MDFIC: variants seen among roughly 807,000 people sequenced by gnomAD.
MDFIC encodes myoD family inhibitor domain-containing protein.
Under a neutral mutation model 23.2 loss-of-function variants are expected in MDFIC, and 17 were observed. The observed-to-expected ratio is 0.73, with a 90% CI of 0.50 to 1.10. MDFIC has a LOEUF of 1.10. MDFIC is among the 50% of genes least tolerant of loss of function. The pLI is 0.00. For synonymous variants in MDFIC, 120 were observed against 115.2 expected (o/e 1.04, Z -0.27); for missense variants, 356 against 316.6 (o/e 1.12, Z -0.95).
intron 2 of MDFIC, among the ~76,000 whole-genome samples, chr7:114,929,074 G>T (rs1471453973): frequency 5.6e-4 from 4 of 7,202 alleles, no homozygotes; most frequent in Non-Finnish European, 9.1e-4. Flanking sequence ...TAGATCTATA[G>T]ATAAATATAG....
intron 4 of MDFIC, among the ~76,000 whole-genome samples, chr7:114,989,421 G>A (rs1418998726): frequency 6.6e-6 from 1 of 152,044 alleles, no homozygotes; most frequent in Non-Finnish European, 1.5e-5. Flanking sequence ...AGTCCAGAAG[G>A]GTTGTTTTCT....
At chr7:114,988,301 G>A (rs1050964294) in intron 4 of MDFIC, among the ~76,000 whole-genome samples, 3 of 152,134 alleles carry the variant, frequency 2.0e-5, no homozygotes, top group African/African-American at 7.2e-5. Context: ...TAGAAACCAG[G>A]CTTCAGAATA....
intron 2 of MDFIC, among the ~76,000 whole-genome samples, chr7:114,927,325 C>CTTTTTTTTTTTTTTTTTTTTTTTTTTTTT (rs10686214): frequency 7.1e-6 from 1 of 141,794 alleles, no homozygotes; most frequent in African/African-American, 2.6e-5. Flanking sequence ...AAAAACAGTC[C>CTTTTTTTTTTTTTTTTTTTTTTTTTTTTT]TTTTTTTTTT....
chr7:114,952,075 C>G (rs1390826673), intron 3 of MDFIC, among the ~76,000 whole-genome samples: 1 of 152,198 alleles, frequency 6.6e-6, no homozygotes, highest in Non-Finnish European at 1.5e-5. Flanking sequence ...GACTCCATTT[C>G]TGGTAAACAT....
chr7:115,016,643 T>A lies in MDFIC; in HGVS notation c.*708T>A, dbSNP rs1562832246. 1.0e-5 allele frequency: 1 copy of A among 96,724 alleles called. No individual in the cohort carries two copies. The highest frequency in any genetic ancestry group is 1.3e-4 in the Admixed American group (1 of 7,424). The allele number at this position is 96,724 out of a possible 1,614,324, so 6.0% of individuals were successfully genotyped here. Reference sequence around the variant, plus strand: ...CTGGGCAACAGAGCGAGACTCCATCTCTAAATAAATAAATAAATAAATAAA... The same window carrying A: ...CTGGGCAACAGAGCGAGACTCCATCACTAAATAAATAAATAAATAAATAAA... On this transcript the variant is annotated 3_prime_UTR_variant, in exon 5 of 5. Coordinates refer to ENST00000393486, the MANE Select transcript of MDFIC (RefSeq NM_001166345.3).
At position 114,977,495 on chromosome 7, in the gene MDFIC, C is replaced by T. The variant is rs188790553; in HGVS notation, c.218-2011C>T. ...CACTCCCTGTGTTGAGAGGCTCCACCACCCTGGTGTGGCTAACAGCTTGCA... is the reference window on the plus strand; with the variant it reads ...CACTCCCTGTGTTGAGAGGCTCCACTACCCTGGTGTGGCTAACAGCTTGCA... On this transcript the variant is annotated intron_variant, in intron 3 of 4. Transcript: ENST00000393486. Among the ~76,000 whole-genome samples, 149 of 152,232 alleles carry T rather than the reference C, an allele frequency of 9.8e-4. 1 individual carries two copies. Among genetic ancestry groups the T allele is most frequent in the African/African-American group, 3.5e-3 (144 of 41,570 alleles).
At position 114,991,357 on chromosome 7, in the gene MDFIC, G is replaced by C. The variant is rs531269156; in HGVS notation, c.493+11576G>C. Among the ~76,000 whole-genome samples the C allele has an allele frequency of 3.0e-4, 46 of 152,218 alleles. No homozygotes were observed. In the East Asian group the frequency reaches 7.7e-3, roughly 26 times the overall value. On this transcript the variant is annotated intron_variant, in intron 4 of 4. Transcript: ENST00000393486. ...GTGCAGAAGCTCTTTAGTTTAATTA[G>C]ATCCCATTTGTCAATTTTGTCTTTT... is the stretch of plus-strand genomic sequence containing the variant.
intron 4 of MDFIC, 135 bp from the exon 5 acceptor site, chr7:115,015,553 G>A: frequency 8.3e-7 from 1 of 1,203,142 alleles, no homozygotes; most frequent in Non-Finnish European, 1.2e-6. Flanking sequence ...TGAGCTTCCA[G>A]CTCACAAAGC....
chr7:114,944,227 A>G (rs577069835), intron 3 of MDFIC, among the ~76,000 whole-genome samples: 1 of 152,294 alleles, frequency 6.6e-6, no homozygotes, highest in African/African-American at 2.4e-5. Flanking sequence ...GAATGAAGAG[A>G]TACAGAAATT....
chr7:115,013,887 G>A, intron 4 of MDFIC: 9 of 648,042 alleles, frequency 1.4e-5, no homozygotes, highest in Non-Finnish European at 1.7e-5. Context: ...GAGATCCCCT[G>A]AAATGATTGG....
At chr7:114,975,869 TA>T (rs972445265) in intron 3 of MDFIC, among the ~76,000 whole-genome samples, 1 of 152,054 alleles carries the variant, frequency 6.6e-6, no homozygotes, top group African/African-American at 2.4e-5. Flanking sequence ...ATTTTAATGT[TA>T]AAAAAACTAG....
intron 3 of MDFIC, 41 bp from the exon 4 acceptor site, chr7:114,979,465 T>A (rs1793376856): frequency 6.4e-7 from 1 of 1,551,528 alleles, no homozygotes; most frequent in Admixed American, 2.1e-5. Flanking sequence ...TATTAATTTC[T>A]TTTTCTTTAA....
chr7:114,995,609 AC>A (rs1791307458), intron 4 of MDFIC, among the ~76,000 whole-genome samples: 1 of 152,106 alleles, frequency 6.6e-6, no homozygotes, highest in Non-Finnish European at 1.5e-5. Flanking sequence ...CTGGAGGTCC[AC>A]TCCAGACCCT....
At chr7:114,944,526 A>C (rs1335105816) in intron 3 of MDFIC, among the ~76,000 whole-genome samples, 1 of 152,170 alleles carries the variant, frequency 6.6e-6, no homozygotes, top group Non-Finnish European at 1.5e-5. Flanking sequence ...CATCTTTAAA[A>C]CTGACTCAAT....
chr7:114,966,553 G>A (rs575478341), intron 3 of MDFIC, among the ~76,000 whole-genome samples: 8 of 152,198 alleles, frequency 5.3e-5, no homozygotes, highest in East Asian at 3.9e-4. Flanking sequence ...AGTGGAAGGC[G>A]TCATCTTGGA....
At chr7:115,015,562 G>C in intron 4 of MDFIC, 126 bp from the exon 5 acceptor site, 1 of 1,307,912 alleles carries the variant, frequency 7.6e-7, no homozygotes, top group East Asian at 2.3e-5. Flanking sequence ...AGCTCACAAA[G>C]CAAACTTCAT....
intron 3 of MDFIC, among the ~76,000 whole-genome samples, chr7:114,973,221 T>C (rs963141134): frequency 6.6e-6 from 1 of 152,012 alleles, no homozygotes; most frequent in Admixed American, 6.6e-5. Context: ...ATTAATTCTA[T>C]AGTTTAAATA....
intron 4 of MDFIC, among the ~76,000 whole-genome samples, chr7:114,990,539 C>G (rs1793589225): frequency 6.6e-6 from 1 of 152,160 alleles, no homozygotes; most frequent in Admixed American, 6.6e-5. Context: ...TGATGTTTCC[C>G]TTCCTGTGTC....
At chr7:114,966,807 G>A (rs1467186931) in intron 3 of MDFIC, among the ~76,000 whole-genome samples, 4 of 152,140 alleles carry the variant, frequency 2.6e-5, no homozygotes, top group East Asian at 3.8e-4. Context: ...GGTTAGGCCC[G>A]TAGAGCATAT....
Sources: gnomAD v4.1 joint callset for allele counts (sites outside exome capture counted in the v4.1 genomes callset) on GRCh38, gnomAD v4.1.1 for gene constraint, MANE v1.5 for transcripts, NCBI Gene and HGNC (gene_info 2026-07-23, HGNC 2026-07-21) for gene names.